RARB: variants seen among roughly 807,000 people sequenced by gnomAD.
RARB encodes the protein HBV-activated protein.
In RARB, 17 loss-of-function variants were observed where a neutral mutation model predicts 51.9. The observed-to-expected ratio is 0.33, with a 90% CI of 0.22 to 0.49. The LOEUF is 0.49. RARB is among the 20% of genes least tolerant of loss of function. The pLI, the probability that RARB is intolerant of heterozygous loss-of-function variation, is 0.99. For synonymous variants in RARB, 215 were observed against 195.4 expected (o/e 1.10, Z -0.84); for missense variants, 369 against 550.8 (o/e 0.67, Z 3.30).
At chr3:25,554,848 T>C (rs2125672053) in intron 3 of RARB, among the ~76,000 whole-genome samples, 1 of 152,320 alleles carries the variant, frequency 6.6e-6, no homozygotes, top group Admixed American at 6.5e-5. Context: ...GCACAGGGCC[T>C]CATATGGCAA....
intron 2 of RARB, among the ~76,000 whole-genome samples, chr3:24,952,073 T>C (rs978165555): frequency 3.3e-5 from 5 of 152,188 alleles, no homozygotes; most frequent in Non-Finnish European, 5.9e-5. Context: ...TAACTTTTCT[T>C]TTTTTGAAAG....
At chr3:25,318,724 A>C (rs996907652) in intron 5 of RARB, among the ~76,000 whole-genome samples, 5 of 152,212 alleles carry the variant, frequency 3.3e-5, no homozygotes, top group Non-Finnish European at 7.3e-5. Context: ...TCTCCCAACC[A>C]CACAGCCACC....
chr3:25,011,605 T>G (rs925212996), intron 2 of RARB, among the ~76,000 whole-genome samples: 14 of 152,114 alleles, frequency 9.2e-5, no homozygotes, highest in African/African-American at 3.4e-4. Context: ...CCAGGAAATC[T>G]CAGCAGCCTA....
intron 2 of RARB, among the ~76,000 whole-genome samples, chr3:24,952,123 C>T (rs2125406307): frequency 6.6e-6 from 1 of 152,178 alleles, no homozygotes; most frequent in East Asian, 1.9e-4. Context: ...TGCTATAATC[C>T]TAGCACTTTG....
intron 5 of RARB, among the ~76,000 whole-genome samples, chr3:25,354,874 T>C (rs532249063): frequency 1.7e-5 from 2 of 119,254 alleles, no homozygotes; most frequent in South Asian, 6.4e-4. Flanking sequence ...TACATTTGTT[T>C]GCAAAGTCTT....
chr3:25,032,880 AT>A (rs1697904611), intron 2 of RARB, among the ~76,000 whole-genome samples: 1 of 152,238 alleles, frequency 6.6e-6, no homozygotes, highest in Non-Finnish European at 1.5e-5. Context: ...TTATAAAAAA[AT>A]AGTTCAATTG....
intron 3 of RARB, among the ~76,000 whole-genome samples, chr3:25,081,028 A>G (rs982920839): frequency 2.4e-4 from 36 of 152,084 alleles, no homozygotes; most frequent in African/African-American, 8.7e-4. Context: ...ATCTTCTTCT[A>G]TGCATACTGT....
intron 5 of RARB, among the ~76,000 whole-genome samples, chr3:25,421,766 G>A (rs932681711): frequency 1.3e-5 from 2 of 152,054 alleles, no homozygotes; most frequent in Non-Finnish European, 2.9e-5. Context: ...ACTCTTTGAC[G>A]TAGGTACCAT....
intron 4 of RARB, among the ~76,000 whole-genome samples, chr3:25,577,718 A>G (rs947766437): frequency 2.6e-5 from 4 of 152,234 alleles, no homozygotes; most frequent in Non-Finnish European, 5.9e-5. Context: ...CTGCCAGTCC[A>G]GGAAGGCAGC....
intron 2 of RARB, among the ~76,000 whole-genome samples, chr3:24,905,864 C>G (rs1458821135): frequency 6.6e-6 from 1 of 152,188 alleles, no homozygotes; most frequent in African/African-American, 2.4e-5. Context: ...CCACCATATG[C>G]AATCTTGACT....
intron 5 of RARB, among the ~76,000 whole-genome samples, chr3:25,261,380 T>C (rs1231840439): frequency 6.6e-6 from 1 of 152,114 alleles, no homozygotes; most frequent in African/African-American, 2.4e-5. Flanking sequence ...TTTCTGCTCA[T>C]TTCTCACCCA....
At chr3:25,046,218 T>A (rs984327172) in intron 2 of RARB, among the ~76,000 whole-genome samples, 6 of 152,138 alleles carry the variant, frequency 3.9e-5, no homozygotes, top group Admixed American at 1.3e-4. Context: ...GAAAATATGC[T>A]GGGGTAGACT....
chr3:24,917,490 A>T (rs183658046), intron 2 of RARB, among the ~76,000 whole-genome samples: 2 of 152,250 alleles, frequency 1.3e-5, no homozygotes, highest in Non-Finnish European at 2.9e-5. Flanking sequence ...GATTTGATTG[A>T]ATAGTCACTT....
intron 3 of RARB, among the ~76,000 whole-genome samples, chr3:25,119,267 G>C (rs1366612296): frequency 6.6e-6 from 1 of 152,050 alleles, no homozygotes; most frequent in Non-Finnish European, 1.5e-5. Flanking sequence ...GCAGTGAGCT[G>C]GTGAGGACTG....
At chr3:25,114,222 A>G (rs1699649049) in intron 3 of RARB, among the ~76,000 whole-genome samples, 1 of 152,182 alleles carries the variant, frequency 6.6e-6, no homozygotes, top group Non-Finnish European at 1.5e-5. Flanking sequence ...AGCAATGGAA[A>G]GTATTACCAT....
chr3:25,564,496 C>T (rs80046081), intron 3 of RARB, among the ~76,000 whole-genome samples: 4,458 of 152,240 alleles, frequency 0.029, 191 homozygotes, highest in African/African-American at 0.1. Context: ...GTGATTCCCC[C>T]GCAGACCCCA....
intron 2 of RARB, among the ~76,000 whole-genome samples, chr3:24,979,402 T>C (rs548426974): frequency 1.3e-5 from 2 of 152,194 alleles, no homozygotes; most frequent in Non-Finnish European, 2.9e-5. Context: ...AAGGACTTGC[T>C]TTATGAATCC....
chr3:25,115,828 G>T (rs1237065689), intron 3 of RARB, among the ~76,000 whole-genome samples: 1 of 151,866 alleles, frequency 6.6e-6, no homozygotes, highest in Admixed American at 6.6e-5. Context: ...GTACAGTCTT[G>T]CTATGTTGCC....
At chr3:25,010,783 C>T (rs7639387) in intron 2 of RARB, among the ~76,000 whole-genome samples, 9,662 of 152,190 alleles carry the variant, frequency 0.063, 419 homozygotes, top group Middle Eastern at 0.095. Context: ...GAACCCTCCC[C>T]GATCCTTCTT....
Sources: gnomAD v4.1 joint callset for allele counts (sites outside exome capture counted in the v4.1 genomes callset) on GRCh38, gnomAD v4.1.1 for gene constraint, MANE v1.5 for transcripts, NCBI Gene and HGNC (gene_info 2026-07-23, HGNC 2026-07-21) for gene names.